Variants in CCDC171 observed in about 807,000 individuals in gnomAD.
CCDC171 encodes the protein coiled-coil domain containing 171, also known as coiled-coil domain-containing protein 171.
A neutral mutation model predicts 168.2 loss-of-function variants in CCDC171; 177 were observed. The ratio of observed to expected loss-of-function variants is 1.05; its 90% CI spans 0.93 to 1.19. CCDC171 has a LOEUF of 1.19. CCDC171 is among the 50% of genes most tolerant of loss of function. CCDC171 has a pLI of 0.00. For synonymous variants in CCDC171, 687 were observed against 540.8 expected, an observed-to-expected ratio of 1.27 and a Z score of -3.75; for missense variants, 1,991 against 1,539.0, an observed-to-expected ratio of 1.29 and a Z score of -4.91.
At chr9:15,742,376 T>G (rs1391695416) in intron 16 of CCDC171, among the ~76,000 whole-genome samples, 2 of 152,252 alleles carry the variant, frequency 1.3e-5, no homozygotes, top group African/African-American at 4.8e-5. Context: ...CTCTCATTTC[T>G]TCAGGTATTC....
chr9:15,783,473 T>A (rs2057772401), intron 20 of CCDC171, among the ~76,000 whole-genome samples: 1 of 152,188 alleles, frequency 6.6e-6, no homozygotes, highest in African/African-American at 2.4e-5. Context: ...CTCACATCCT[T>A]TTTTACAATG....
intron 25 of CCDC171, among the ~76,000 whole-genome samples, chr9:15,930,255 C>G (rs190199808): frequency 6.1e-4 from 93 of 151,590 alleles, no homozygotes; most frequent in African/African-American, 2.1e-3. Context: ...ACCAAATTTT[C>G]TTTAATTTCC....
chr9:15,703,315 T>G (rs2051927967), intron 11 of CCDC171, among the ~76,000 whole-genome samples: 2 of 152,228 alleles, frequency 1.3e-5, no homozygotes, highest in African/African-American at 4.8e-5. Context: ...TTGTCTTTCT[T>G]ATCATTCATG....
At chr9:15,677,959 G>C in intron 9 of CCDC171, among the ~76,000 whole-genome samples, 1 of 122,548 alleles carries the variant, frequency 8.2e-6, no homozygotes, top group African/African-American at 3.1e-5. Flanking sequence ...ACCTAGACTG[G>C]AGTGCAGTGG....
At chr9:15,717,187 A>T (rs1299038749) in intron 11 of CCDC171, among the ~76,000 whole-genome samples, 1 of 152,086 alleles carries the variant, frequency 6.6e-6, no homozygotes, top group East Asian at 1.9e-4. Flanking sequence ...GGGAAGGGAG[A>T]GCACAGTGAT....
chr9:15,852,191 C>A (rs551505588), intron 23 of CCDC171, among the ~76,000 whole-genome samples: 1 of 151,912 alleles, frequency 6.6e-6, no homozygotes, highest in South Asian at 2.1e-4. Flanking sequence ...CATTTTAAAT[C>A]TCCACCATTA....
chr9:15,774,072 C>G (rs1029778416), intron 18 of CCDC171, among the ~76,000 whole-genome samples: 1 of 151,434 alleles, frequency 6.6e-6, no homozygotes, highest in Non-Finnish European at 1.5e-5. Flanking sequence ...GTGGTGAAAC[C>G]CTGTCTCTAC....
intron 24 of CCDC171, among the ~76,000 whole-genome samples, chr9:15,908,653 A>T (rs923173072): frequency 3.3e-5 from 5 of 151,846 alleles, no homozygotes; most frequent in African/African-American, 7.3e-5. Flanking sequence ...TTAAAGTATA[A>T]AAAAAAAGAG....
intron 21 of CCDC171, among the ~76,000 whole-genome samples, chr9:15,785,387 C>T (rs771581954): frequency 1.3e-5 from 2 of 152,082 alleles, no homozygotes; most frequent in Non-Finnish European, 2.9e-5. Flanking sequence ...GGATATCATA[C>T]TTAATACAGT....
In CCDC171 at chr9:15,644,684, G is replaced by C. The variant is rs181081298; in HGVS notation, c.823-12443G>C. Among the ~76,000 whole-genome samples, 43 of 152,328 alleles carry C rather than the reference G, an allele frequency of 2.8e-4. No homozygotes were observed. The Middle Eastern group carries it at 0.01, about 36-fold the overall frequency. ...TGAGATCCAACTGCAAGGCAGCAGC[G>C]AGGCTGGGGGAGGAGCGCCCACCAT... On this transcript the variant is annotated intron_variant, in intron 7 of 25. Transcript: ENST00000380701.
rs755630560 is a variant in CCDC171 at position 15,744,480 on chromosome 9, G to C, written c.2257G>C (p.Asp753His). Residue 753 changes from aspartate (D) to histidine (H), a missense_variant, in exon 17 of 26, where the codon GAT becomes CAT. Physicochemically the swap from Asp to His is moderately conservative, Grantham distance 81. Coordinates refer to ENST00000380701, the MANE Select transcript of CCDC171 (RefSeq NM_173550.4). ...SRSCALSTQR[D>H]FLQEQVNTFE... ...ATCATGCGCCTTGTCTACACAGAGA[G>C]ATTTTCTCCAGGAGCAGGTCAACAC... 2 of 1,614,194 alleles carry C rather than the reference G, an allele frequency of 1.2e-6. No individual in the cohort carries two copies. The highest frequency in any genetic ancestry group is 1.1e-5 in the South Asian group (1 of 91,078).
chr9:15,588,781 C>T (rs1211875866), intron 4 of CCDC171, among the ~76,000 whole-genome samples: 1 of 149,454 alleles, frequency 6.7e-6, no homozygotes, highest in Non-Finnish European at 1.5e-5. Context: ...GACCTCGGCT[C>T]ACTGCAAGCT....
chr9:15,791,943 C>A (rs1280124473), intron 21 of CCDC171, among the ~76,000 whole-genome samples: 1 of 152,176 alleles, frequency 6.6e-6, no homozygotes, highest in Admixed American at 6.5e-5. Flanking sequence ...GAACGCAGCT[C>A]CTCACCAGCA....
intron 21 of CCDC171, among the ~76,000 whole-genome samples, chr9:15,820,131 T>C (rs2136083212): frequency 8.5e-6 from 1 of 117,894 alleles, no homozygotes; most frequent in Admixed American, 8.0e-5. Context: ...AAAGGTGTTC[T>C]TTGAGACCAA....
At chr9:15,659,976 A>G (rs1015050310) in intron 8 of CCDC171, among the ~76,000 whole-genome samples, 1 of 152,230 alleles carries the variant, frequency 6.6e-6, no homozygotes, top group Admixed American at 6.5e-5. Flanking sequence ...TGCTTTCAAT[A>G]TGTCTAAATT....
intron 23 of CCDC171, among the ~76,000 whole-genome samples, chr9:15,868,868 G>A (rs140452142): frequency 2.6e-5 from 4 of 151,982 alleles, no homozygotes; most frequent in Admixed American, 1.3e-4. Flanking sequence ...TGGTTTCCTT[G>A]GGGATTGGTT....
At chr9:15,706,495 C>G (rs1342470302) in intron 11 of CCDC171, among the ~76,000 whole-genome samples, 1 of 151,958 alleles carries the variant, frequency 6.6e-6, no homozygotes, top group Non-Finnish European at 1.5e-5. Context: ...ACCATGTTGC[C>G]CAGGCTGGTC....
rs1337187367 is a variant in CCDC171, at chr9:15,966,883, A to ACG, written c.3754-4726_3754-4725insCG. The stretch of plus-strand genomic sequence containing the variant: ...TAAATATTGGATGGCATGATAGCAG[A>ACG]TGTGTGTGTGTGTATATATATATAT... On this transcript the variant is annotated intron_variant, in intron 25 of 25. Transcript: ENST00000380701. Among the ~76,000 whole-genome samples, 7 of 149,606 alleles carry ACG rather than the reference A, an allele frequency of 4.7e-5. No individual in the cohort carries two copies. The East Asian group carries it at 1.4e-3, about 29-fold the overall frequency.
At chr9:15,766,056 G>A (rs2056705879) in intron 18 of CCDC171, among the ~76,000 whole-genome samples, 1 of 152,146 alleles carries the variant, frequency 6.6e-6, no homozygotes, top group African/African-American at 2.4e-5. Flanking sequence ...GGAAAAGATT[G>A]AGCAGGTTTG....
Sources: allele counts gnomAD v4.1 joint callset (sites outside exome capture counted in the v4.1 genomes callset), GRCh38; gene constraint gnomAD v4.1.1; transcripts MANE v1.5; gene names NCBI Gene and HGNC (gene_info 2026-07-23, HGNC 2026-07-21).